The following SCUBE3 variants were observed in gnomAD, a reference collection of about 807,000 sequenced individuals.
SCUBE3 encodes signal peptide, CUB domain and EGF like domain containing 3, also known as signal peptide, CUB and EGF-like domain-containing protein 3.
A neutral mutation model predicts 116.8 loss-of-function variants in SCUBE3; 33 were observed. That is an observed-to-expected ratio of 0.28 (90% CI 0.21 to 0.38). The LOEUF (loss-of-function observed/expected upper bound fraction) is 0.38, where lower values mean the gene tolerates loss of function less well. Among genes scored for constraint, SCUBE3 ranks in the 10% least tolerant of loss-of-function variants. The probability of loss-of-function intolerance (pLI) is 1.00; values close to 1 mark genes in which losing one functional copy is unlikely to be tolerated. For synonymous variants in SCUBE3, 418 were observed against 496.9 expected, an observed-to-expected ratio of 0.84 and a Z score of 2.11; for missense variants, 1,007 against 1,324.8, an observed-to-expected ratio of 0.76 and a Z score of 3.72.
rs775744381 is a variant in SCUBE3, at chr6:35,243,199, C to T, written c.1872C>T (p.Ser624=). ...GGGAGCGAGCAGAGCCGATGGAGTC[C>T]TGTAGGCCCGGGCAGCACCGTGCTG... ...VAGERAEPME[S]CRPGQHRAGT... Residue 624 remains serine (S), a synonymous_variant, in exon 15 of 22, where the codon TCC becomes TCT. Transcript: ENST00000274938. This position sits in a 1 kb window ranked among gnomAD's most constrained non-coding sequence, Gnocchi z 6.6. 6.2e-7 allele frequency: 1 copy of T among 1,614,160 alleles called. No homozygotes were observed. Among genetic ancestry groups the T allele is most frequent in the Non-Finnish European group, 8.5e-7 (1 of 1,180,040 alleles).
In SCUBE3 at chr6:35,242,986, T is replaced by C. The variant is rs185352748; in HGVS notation, c.1694-35T>C. On this transcript the variant is annotated intron_variant, in intron 14 of 21. Transcript: ENST00000274938. ...TGCCCTCCTGCTCACAGCAACTCTT[T>C]CTCCTCCCTGATACACACGGCCATC... 4.4e-5 allele frequency: 70 copies of C among 1,603,470 alleles called. No individual in the cohort carries two copies. In the East Asian group the frequency reaches 1.4e-3, roughly 33 times the overall value.
At chr6:35,223,450 C>G (rs1783189097) in intron 1 of SCUBE3, 2 of 152,184 alleles carry the variant, frequency 1.3e-5, no homozygotes, top group Admixed American at 6.5e-5. Context: ...ACTACTCTGT[C>G]ATGTGGCTGC....
Position 35,241,811 on chromosome 6 carries a change from G to A in SCUBE3, c.1318G>A (p.Glu440Lys). The A allele has an allele frequency of 1.2e-6, 2 of 1,613,154 alleles. No individual in the cohort carries two copies. Among genetic ancestry groups the A allele is most frequent in the Middle Eastern group, 1.6e-4 (1 of 6,062 alleles). Residue 440 changes from glutamate (E) to lysine (K), a missense_variant, in exon 12 of 22, where the codon GAG becomes AAG. Transcript: ENST00000274938. This position sits in a 1 kb window ranked among gnomAD's most constrained non-coding sequence, Gnocchi z 4.1. Reference sequence around the variant, plus strand: ...TGACAGGCTCCTTTTCTCAGAGTCTGAGAATGGCTTCACGGTGAGCTGTGG... The same window carrying A: ...TGACAGGCTCCTTTTCTCAGAGTCTAAGAATGGCTTCACGGTGAGCTGTGG... The part of the protein sequence containing the change: ...PSRARFLPES[E>K]NGFTVSCGTP...
At chr6:35,227,836 G>A (rs1783390636) in intron 2 of SCUBE3, 134 bp downstream of exon 2, 1 of 893,858 alleles carries the variant, frequency 1.1e-6, no homozygotes, top group African/African-American at 1.6e-5. Flanking sequence ...GGGTGGTGAG[G>A]GGGGCAACTG....
In SCUBE3 at chr6:35,241,299, A is replaced by T. The variant is rs780808505; in HGVS notation, c.1195+33A>T. Reference sequence around the variant, plus strand: ...GTGCCCTCTGCTGGCCAAAGATGACACTGCCATTTCAGGGAGCAGTTGGGG... The same window carrying T: ...GTGCCCTCTGCTGGCCAAAGATGACTCTGCCATTTCAGGGAGCAGTTGGGG... On this transcript the variant is annotated intron_variant, in intron 10 of 21. Coordinates refer to ENST00000274938, the MANE Select transcript of SCUBE3 (RefSeq NM_152753.4). This position sits in a 1 kb window ranked among gnomAD's most constrained non-coding sequence, Gnocchi z 4.1. 1.4e-5 allele frequency: 22 copies of T among 1,571,436 alleles called. No homozygotes were observed. Among genetic ancestry groups the T allele is most frequent in the Non-Finnish European group, 1.9e-5 (22 of 1,152,538 alleles).
At chr6:35,242,154 C>T (rs569346343) in intron 12 of SCUBE3, 50 bp from the exon 13 acceptor site, 41 of 1,377,510 alleles carry the variant, frequency 3.0e-5, no homozygotes, top group Admixed American at 3.4e-5. Flanking sequence ...ACGGCACCCC[C>T]GACCTCCATG....
intron 1 of SCUBE3, chr6:35,220,246 C>T (rs559837203): frequency 3.1e-4 from 47 of 152,268 alleles, no homozygotes; most frequent in Admixed American, 5.9e-4. Context: ...AGACCTGGAT[C>T]CTGGCTTTAC....
chr6:35,240,295 C>A lies in SCUBE3; in HGVS notation c.953-79C>A, dbSNP rs1260336061. On this transcript the variant is annotated intron_variant, in intron 8 of 21. Coordinates refer to ENST00000274938, the MANE Select transcript of SCUBE3 (RefSeq NM_152753.4). The surrounding 1 kb of genome is among the most constrained non-coding windows in gnomAD (Gnocchi z 4.6). ...TCAGTTCAAGGGGGAAAGCCAAGGC[C>A]CCTCACTTGGGTCCTTCACCTGAGC... The A allele has an allele frequency of 1.3e-6, 1 of 746,726 alleles. No homozygotes were observed. Among genetic ancestry groups the A allele is most frequent in the African/African-American group, 1.8e-5 (1 of 55,592 alleles). The allele number at this position is 746,726 out of a possible 1,614,324, so 46.3% of individuals were successfully genotyped here.
rs533528179 is a variant in SCUBE3 at position 35,227,289 on chromosome 6, TA to T, written c.86-289del. ...ATCAAGTTAAGTGTACTACCCACTC[TA>T]AGGGTTTTTTGTTTGTTTTCAAATA... On this transcript the variant is annotated intron_variant, in intron 1 of 21. Transcript: ENST00000274938. 1.8e-4 allele frequency among the ~76,000 whole-genome samples: 27 copies of T among 152,324 alleles called. No individual in the cohort carries two copies. In the East Asian group the frequency reaches 5.2e-3, roughly 29 times the overall value.
intron 1 of SCUBE3, chr6:35,218,136 G>A: frequency 1.0e-6 from 1 of 985,332 alleles, no homozygotes; most frequent in African/African-American, 1.7e-5. Context: ...GAATCTGAGA[G>A]CATGAGAACC....
chr6:35,245,291 G>A lies in SCUBE3; in HGVS notation c.2465G>A (p.Gly822Asp), dbSNP rs569564791. The change falls in exon 19 of 22, where the codon GGC (glycine) becomes GAC (aspartate). Residue 822 changes from glycine (G) to aspartate (D), a missense_variant. Around this residue, in one of 5 missense-constraint regions of SCUBE3, gnomAD observed 544 missense variants for 638.9 expected, o/e 0.85. Coordinates refer to ENST00000274938, the MANE Select transcript of SCUBE3 (RefSeq NM_152753.4). This position sits in a 1 kb window ranked among gnomAD's most constrained non-coding sequence, Gnocchi z 4.2. ...TATATTGAGTCCCCCAACTACCCGG[G>A]CAACTACCCAGCTGGTGTGGAGTGC... Reference protein sequence around the residue: ...TGYIESPNYPGNYPAGVECIW... With the variant: ...TGYIESPNYPDNYPAGVECIW... 2 of 1,614,096 alleles carry A rather than the reference G, an allele frequency of 1.2e-6. No individual in the cohort carries two copies. The highest frequency in any genetic ancestry group is 4.5e-5 in the East Asian group (2 of 44,880).
At chr6:35,247,733 A>T (rs1200601310) in intron 21 of SCUBE3, among the ~76,000 whole-genome samples, 1 of 152,154 alleles carries the variant, frequency 6.6e-6, no homozygotes, top group African/African-American at 2.4e-5. Context: ...TGAAACCCCT[A>T]CTTCTTATTT....
In SCUBE3 at chr6:35,241,771, G is replaced by C; in HGVS notation, c.1313-35G>C. The C allele has an allele frequency of 6.4e-7, 1 of 1,569,624 alleles. No homozygotes were observed. On this transcript the variant is annotated intron_variant, in intron 11 of 21. Coordinates refer to ENST00000274938, the MANE Select transcript of SCUBE3 (RefSeq NM_152753.4). This position sits in a 1 kb window ranked among gnomAD's most constrained non-coding sequence, Gnocchi z 4.1. ...TCCTCCAGCCAGCGGGGGTTGGGAA[G>C]GCAGGTCAGAACTGTGACAGGCTCC...
At chr6:35,220,613 T>G (rs140325449) in intron 1 of SCUBE3, 19 of 152,276 alleles carry the variant, frequency 1.2e-4, no homozygotes, top group African/African-American at 4.3e-4. Context: ...GGAGCTAGAT[T>G]AGGGATAAGG....
In SCUBE3 at chr6:35,244,858, A is replaced by G. The variant is rs773640779; in HGVS notation, c.2401+47A>G. ...GCAAAAGGGAGGAGAGAGGCCTGGG[A>G]GCAGTGGACATCTAAAGGAGGGGTG... On this transcript the variant is annotated intron_variant, in intron 18 of 21. Transcript: ENST00000274938. The surrounding 1 kb of genome is among the most constrained non-coding windows in gnomAD (Gnocchi z 4.3). 1 of 1,585,058 alleles carries G rather than the reference A, an allele frequency of 6.3e-7. No homozygotes were observed. The highest frequency in any genetic ancestry group is 1.1e-5 in the South Asian group (1 of 89,814).
intron 1 of SCUBE3, among the ~76,000 whole-genome samples, chr6:35,226,480 CTTTTTTTTTTTTT>C (rs764779695): frequency 1.2e-5 from 1 of 85,204 alleles, no homozygotes; most frequent in African/African-American, 4.8e-5. Context: ...TTTCTATGTC[CTTTTTTTTTTTTT>C]TTTTTTTTTG....
Position 35,248,678 on chromosome 6 carries a change from T to C in SCUBE3, c.2955T>C (p.Val985=), listed in dbSNP as rs1316087089. The C allele has an allele frequency of 6.2e-7, 1 of 1,613,996 alleles. No individual in the cohort carries two copies. Among genetic ancestry groups the C allele is most frequent in the Non-Finnish European group, 8.5e-7 (1 of 1,179,968 alleles). ...TCATCAAGCTGCTCCGCTCCAAAGT[T>C]TCCAGCTTCCTGAGGCCCTACAAAT... ...KSFIKLLRSK[V]SSFLRPYK is the part of the protein sequence containing the mutation. The change falls in exon 22 of 22, where the codon GTT becomes GTC. Residue 985 remains valine (V), a synonymous_variant. Transcript: ENST00000274938.
In SCUBE3 at chr6:35,231,623, G is replaced by T; in HGVS notation, c.335-102G>T. Reference sequence around the variant, plus strand: ...ACTTCCTGGCTTAAGGCTGGGCTTAGGGGGTAGTAGTTCTTAAGACTGCCT... The same window carrying T: ...ACTTCCTGGCTTAAGGCTGGGCTTATGGGGTAGTAGTTCTTAAGACTGCCT... On this transcript the variant is annotated intron_variant, in intron 3 of 21. Coordinates refer to ENST00000274938, the MANE Select transcript of SCUBE3 (RefSeq NM_152753.4). This position sits in a 1 kb window ranked among gnomAD's most constrained non-coding sequence, Gnocchi z 4.2. 1.0e-6 allele frequency: 1 copy of T among 1,002,450 alleles called. No homozygotes were observed. Among genetic ancestry groups the T allele is most frequent in the Admixed American group, 2.4e-5 (1 of 40,890 alleles). The allele number at this position is 1,002,450 out of a possible 1,614,324, so 62.1% of individuals were successfully genotyped here.
chr6:35,233,027 AGAGG>A lies in SCUBE3; in HGVS notation c.595+53_595+56del. ...GCAGTGGGGTCGGGGGTGAAAACAT[AGAGG>A]AAGGGTATAGGGCTTCAGGAGCAAG... On this transcript the variant is annotated intron_variant, in intron 5 of 21. Transcript: ENST00000274938. This position sits in a 1 kb window ranked among gnomAD's most constrained non-coding sequence, Gnocchi z 5.7. 6.2e-7 allele frequency: 1 copy of A among 1,604,844 alleles called. No individual in the cohort carries two copies. The highest frequency in any genetic ancestry group is 1.1e-5 in the South Asian group (1 of 90,304).
Sources: allele counts gnomAD v4.1 joint callset (sites outside exome capture counted in the v4.1 genomes callset), GRCh38; gene constraint gnomAD v4.1.1; regional missense constraint gnomAD v4.1.1; non-coding constraint Gnocchi (gnomAD v3.1); transcripts MANE v1.5; gene names NCBI Gene and HGNC (gene_info 2026-07-23, HGNC 2026-07-21).